The following KIF26B variants were observed in gnomAD, a reference collection of about 807,000 sequenced individuals.
KIF26B encodes kinesin family member 26B.
A neutral mutation model predicts 151.2 loss-of-function variants in KIF26B; 63 were observed. That is an observed-to-expected ratio of 0.42 (90% CI 0.34 to 0.51). KIF26B has a LOEUF of 0.51. Among genes scored for constraint, KIF26B ranks in the 20% least tolerant of loss-of-function variants. KIF26B has a pLI of 0.07. For synonymous variants in KIF26B, 1,357 were observed against 1,262.1 expected (o/e 1.08, Z -1.59); for missense variants, 2,813 against 2,913.6 (o/e 0.97, Z 0.79).
chr1:245,656,920 A>G (rs747289225), intron 10 of KIF26B, among the ~76,000 whole-genome samples: 1 of 152,212 alleles, frequency 6.6e-6, no homozygotes, highest in Non-Finnish European at 1.5e-5. Flanking sequence ...AGTTGTATCA[A>G]ATTGTCTAAT....
intron 10 of KIF26B, among the ~76,000 whole-genome samples, chr1:245,651,397 T>C (rs995306792): frequency 9.2e-5 from 14 of 152,206 alleles, no homozygotes; most frequent in African/African-American, 3.4e-4. Flanking sequence ...AGGCCCAGCA[T>C]TGGCAGGAAC....
intron 2 of KIF26B, among the ~76,000 whole-genome samples, chr1:245,205,229 G>A (rs748104655): frequency 8.5e-5 from 13 of 152,122 alleles, no homozygotes; most frequent in Non-Finnish European, 1.5e-4. Context: ...GCATACCAGG[G>A]TATGACATCG....
At chr1:245,173,720 C>T (rs749037107) in intron 2 of KIF26B, among the ~76,000 whole-genome samples, 3 of 152,190 alleles carry the variant, frequency 2.0e-5, no homozygotes, top group Admixed American at 6.5e-5. Flanking sequence ...AGAATTGGGG[C>T]CAGGTGAATG....
At chr1:245,240,317 C>T (rs1424388658) in intron 2 of KIF26B, among the ~76,000 whole-genome samples, 1 of 152,138 alleles carries the variant, frequency 6.6e-6, no homozygotes, top group Non-Finnish European at 1.5e-5. Flanking sequence ...GAAGGCAGGG[C>T]ATAGTTGCTG....
rs200109631 is a variant in KIF26B, at chr1:245,686,287, G to A, written c.3304G>A (p.Ala1102Thr). ...CCAGAAGGGGGTCCTGCCGTCTCCC[G>A]CCCCACTGCCTCCCTCGAGCAAGGA... ...YTQKGVLPSP[A>T]PLPPSSKDSG... The change falls in exon 12 of 15, where the codon GCC (alanine) becomes ACC (threonine). Residue 1102 changes from alanine to threonine, a missense_variant. By Grantham distance (58) the Ala-to-Thr change is moderately conservative. This residue lies in a region of KIF26B where 2,060 missense variants were observed against 2,088.6 expected (regional missense o/e 0.99). Coordinates refer to ENST00000407071, the MANE Select transcript of KIF26B (RefSeq NM_018012.4). The surrounding 1 kb of genome is among the most constrained non-coding windows in gnomAD (Gnocchi z 5.6). The A allele has an allele frequency of 1.6e-4, 266 of 1,612,982 alleles. No homozygotes were observed. In the African/African-American group the frequency reaches 2.5e-3, roughly 15 times the overall value.
chr1:245,372,586 T>A (rs1673154385), intron 3 of KIF26B, among the ~76,000 whole-genome samples: 1 of 152,216 alleles, frequency 6.6e-6, no homozygotes, highest in Non-Finnish European at 1.5e-5. Context: ...GTTACAGCCT[T>A]CATTTGACCA....
At chr1:245,592,611 G>A (rs774549820) in intron 5 of KIF26B, among the ~76,000 whole-genome samples, 2 of 152,112 alleles carry the variant, frequency 1.3e-5, no homozygotes, top group Non-Finnish European at 2.9e-5. Flanking sequence ...CGGAGCAGTC[G>A]CTGCCCCAAA....
Position 245,166,040 on chromosome 1 carries a change from C to G in KIF26B, c.465+9357C>G, listed in dbSNP as rs1573682779. ...CAATCAACAGACTTGCGTGCAAAAC[C>G]AGGCTCCGTCACTTAGGGTGTGACC... On this transcript the variant is annotated intron_variant, in intron 2 of 14. Coordinates refer to ENST00000407071, the MANE Select transcript of KIF26B (RefSeq NM_018012.4). The surrounding 1 kb of genome is among the most constrained non-coding windows in gnomAD (Gnocchi z 4.5). Among the ~76,000 whole-genome samples the G allele has an allele frequency of 6.6e-6, 1 of 152,138 alleles. No individual in the cohort carries two copies. The highest frequency in any genetic ancestry group is 1.9e-4 in the East Asian group (1 of 5,200).
intron 2 of KIF26B, among the ~76,000 whole-genome samples, chr1:245,302,300 C>T (rs180935984): frequency 9.9e-5 from 15 of 152,240 alleles, no homozygotes; most frequent in Non-Finnish European, 1.3e-4. Flanking sequence ...TAAGGAGTGT[C>T]AGCCTTTGCT....
At chr1:245,469,198 G>A (rs1413367354) in intron 4 of KIF26B, among the ~76,000 whole-genome samples, 1 of 152,138 alleles carries the variant, frequency 6.6e-6, no homozygotes, top group Non-Finnish European at 1.5e-5. Context: ...TCTTCCTACT[G>A]CACTCCTGCA....
rs1047306762 is a variant in KIF26B at position 245,348,820 on chromosome 1, C to G, written c.466-18014C>G. Among the ~76,000 whole-genome samples the G allele has an allele frequency of 3.9e-5, 6 of 152,190 alleles. No homozygotes were observed. In the East Asian group the frequency reaches 1.2e-3, roughly 29 times the overall value. ...CCAGTTACGCCAACTCGCCCCCACCCAGTCCTTCATGTCTGCCTGCTCCCC... is the reference window on the plus strand; with the variant it reads ...CCAGTTACGCCAACTCGCCCCCACCGAGTCCTTCATGTCTGCCTGCTCCCC... On this transcript the variant is annotated intron_variant, in intron 2 of 14. Transcript: ENST00000407071.
chr1:245,542,564 G>C (rs1054032867), intron 5 of KIF26B, among the ~76,000 whole-genome samples: 4 of 152,232 alleles, frequency 2.6e-5, no homozygotes, highest in Non-Finnish European at 5.9e-5. Flanking sequence ...GGAAAAAACA[G>C]TGTGGACCAG....
intron 2 of KIF26B, among the ~76,000 whole-genome samples, chr1:245,215,240 A>T (rs1334831078): frequency 6.6e-6 from 1 of 152,114 alleles, no homozygotes; most frequent in African/African-American, 2.4e-5. Flanking sequence ...AGGGTGGCCG[A>T]GTACTCTCAG....
At chr1:245,583,407 C>T (rs145131721) in intron 5 of KIF26B, among the ~76,000 whole-genome samples, 22 of 151,642 alleles carry the variant, frequency 1.5e-4, no homozygotes, top group African/African-American at 4.8e-4. Flanking sequence ...AAACCATCTC[C>T]GGGGCCAAGC....
At chr1:245,376,461 G>T (rs191693179) in intron 3 of KIF26B, among the ~76,000 whole-genome samples, 1 of 152,044 alleles carries the variant, frequency 6.6e-6, no homozygotes, top group Non-Finnish European at 1.5e-5. Context: ...CACCCCAGGC[G>T]AATTAAATGA....
rs1193548607 is a variant in KIF26B, at chr1:245,230,168, C to A, written c.465+73485C>A. ...AAAACAAAAAGCAAAAAAAAAAAAA[C>A]AACAACACTCAGAACCCACACCTAC... On this transcript the variant is annotated intron_variant, in intron 2 of 14. Coordinates refer to ENST00000407071, the MANE Select transcript of KIF26B (RefSeq NM_018012.4). Among the ~76,000 whole-genome samples the A allele has an allele frequency of 1.2e-3, 174 of 141,146 alleles. 2 individuals are homozygous for A. Among genetic ancestry groups the A allele is most frequent in the African/African-American group, 4.3e-3 (155 of 36,460 alleles). The allele number at this position is 141,146 out of a possible 152,430, so 92.6% of individuals were successfully genotyped here. A position where few individuals can be genotyped will look rare whatever the true frequency, so the allele number is the denominator to read the frequency against.
At chr1:245,502,861 C>CT (rs761926443) in intron 4 of KIF26B, among the ~76,000 whole-genome samples, 1,608 of 139,096 alleles carry the variant, frequency 0.012, 9 homozygotes, top group African/African-American at 0.012. Context: ...TTATGGTGAA[C>CT]TTTTTTTTTT....
chr1:245,265,671 G>A (rs774457701), intron 2 of KIF26B, among the ~76,000 whole-genome samples: 11 of 150,630 alleles, frequency 7.3e-5, no homozygotes, highest in Non-Finnish European at 1.2e-4. Flanking sequence ...CACTGCAGCC[G>A]TGACCTCCCA....
intron 4 of KIF26B, among the ~76,000 whole-genome samples, chr1:245,539,863 G>A (rs1661571317): frequency 6.6e-6 from 1 of 152,112 alleles, no homozygotes; most frequent in African/African-American, 2.4e-5. Flanking sequence ...ATGTTGGCCA[G>A]GCTGGTCTCG....
Sources: allele counts gnomAD v4.1 joint callset (sites outside exome capture counted in the v4.1 genomes callset), GRCh38; gene constraint gnomAD v4.1.1; regional missense constraint gnomAD v4.1.1; non-coding constraint Gnocchi (gnomAD v3.1); transcripts MANE v1.5; gene names NCBI Gene and HGNC (gene_info 2026-07-23, HGNC 2026-07-21).